Variants in ARHGEF3 observed in about 807,000 individuals in gnomAD.
ARHGEF3 encodes the protein 59.8 kDA protein.
In ARHGEF3, 28 loss-of-function variants were observed where a neutral mutation model predicts 63.2. That is an observed-to-expected ratio of 0.44 (90% CI 0.33 to 0.61). The LOEUF is 0.61. Ranked by LOEUF, ARHGEF3 falls within the 20% of genes least tolerant of loss-of-function variation. The pLI is 0.03. For missense variants in ARHGEF3, 533 were observed against 659.3 expected (o/e 0.81, Z 2.10); for synonymous variants, 266 against 254.2 (o/e 1.05, Z -0.44).
chr3:56,961,660 A>G (rs2106764987), intron 2 of ARHGEF3, among the ~76,000 whole-genome samples: 1 of 152,186 alleles, frequency 6.6e-6, no homozygotes, highest in South Asian at 2.1e-4. Context: ...ACCTACCGAG[A>G]GAAGGGCTGT....
intron 2 of ARHGEF3, among the ~76,000 whole-genome samples, chr3:56,984,619 C>T (rs1343958232): frequency 6.6e-6 from 1 of 152,094 alleles, no homozygotes; most frequent in African/African-American, 2.4e-5. Context: ...CGTGGCATAA[C>T]TTTTTAAAAA....
At chr3:56,820,186 CT>C (rs1183017956) in intron 4 of ARHGEF3, among the ~76,000 whole-genome samples, 1 of 152,128 alleles carries the variant, frequency 6.6e-6, no homozygotes, top group African/African-American at 2.4e-5. Context: ...AATTTTTGTG[CT>C]GTTATACTAC....
intron 1 of ARHGEF3, among the ~76,000 whole-genome samples, chr3:57,055,495 T>C (rs1258641119): frequency 2.0e-5 from 3 of 152,168 alleles, no homozygotes; most frequent in Non-Finnish European, 4.4e-5. Flanking sequence ...TTAAGAAACC[T>C]GTGCCTAGCC....
chr3:57,072,791 A>G (rs186159992), intron 1 of ARHGEF3, among the ~76,000 whole-genome samples: 3 of 152,168 alleles, frequency 2.0e-5, no homozygotes, highest in Admixed American at 2.0e-4. Flanking sequence ...TCACTCCTGT[A>G]ATCCCAGCAC....
chr3:57,051,678 A>C (rs764032981), intron 1 of ARHGEF3, among the ~76,000 whole-genome samples: 1 of 151,838 alleles, frequency 6.6e-6, no homozygotes, highest in African/African-American at 2.4e-5. Flanking sequence ...TTTCTAGCAC[A>C]CCAGGCCAGG....
At chr3:56,789,671 A>G (rs1273038474) in intron 1 of ARHGEF3, among the ~76,000 whole-genome samples, 1 of 152,200 alleles carries the variant, frequency 6.6e-6, no homozygotes, top group African/African-American at 2.4e-5. Context: ...TATTGCCATG[A>G]TAATTTTTTG....
chr3:57,049,270 G>T (rs1376807944), intron 1 of ARHGEF3, among the ~76,000 whole-genome samples: 1 of 152,212 alleles, frequency 6.6e-6, no homozygotes. Flanking sequence ...TCAGGAGGCT[G>T]AAGTGGGAGG....
At chr3:57,037,972 G>A (rs1246884595) in intron 1 of ARHGEF3, among the ~76,000 whole-genome samples, 1 of 152,264 alleles carries the variant, frequency 6.6e-6, no homozygotes, top group Non-Finnish European at 1.5e-5. Context: ...CTCTAGCACT[G>A]AAGGATGCCC....
intron 7 of ARHGEF3, among the ~76,000 whole-genome samples, chr3:56,738,393 A>C (rs953267870): frequency 2.0e-5 from 3 of 151,594 alleles, no homozygotes. Flanking sequence ...GCTGGTCTTG[A>C]ACTCCTCAGC....
chr3:56,810,508 CAG>C (rs2038025892), intron 4 of ARHGEF3, among the ~76,000 whole-genome samples: 1 of 152,024 alleles, frequency 6.6e-6, no homozygotes, highest in Non-Finnish European at 1.5e-5. Context: ...GCCTGGGTGA[CAG>C]AGAGAGACTG....
At chr3:56,944,054 TAATCCC>T (rs888701127) in intron 3 of ARHGEF3, among the ~76,000 whole-genome samples, 25 of 152,104 alleles carry the variant, frequency 1.6e-4, no homozygotes, top group African/African-American at 6.0e-4. Flanking sequence ...CGGGCGCCTA[TAATCCC>T]AGCTACTCGG....
intron 1 of ARHGEF3, among the ~76,000 whole-genome samples, chr3:57,039,707 CTT>C (rs1487908954): frequency 6.6e-6 from 1 of 152,188 alleles, no homozygotes; most frequent in African/African-American, 2.4e-5. Context: ...GGCTCCTCCT[CTT>C]GTTTTCATTG....
chr3:56,998,721 T>G (rs1252036740), intron 2 of ARHGEF3, among the ~76,000 whole-genome samples: 1 of 152,168 alleles, frequency 6.6e-6, no homozygotes, highest in Non-Finnish European at 1.5e-5. Flanking sequence ...AAATGATAGA[T>G]TCAAACACAG....
At chr3:56,882,753 G>A (rs768952305) in intron 3 of ARHGEF3, among the ~76,000 whole-genome samples, 7 of 151,996 alleles carry the variant, frequency 4.6e-5, no homozygotes, top group Non-Finnish European at 7.4e-5. Context: ...TCCTGACCTC[G>A]TGATCCGCCC....
At chr3:56,942,539 C>A (rs941287358) in intron 3 of ARHGEF3, among the ~76,000 whole-genome samples, 3 of 152,162 alleles carry the variant, frequency 2.0e-5, no homozygotes, top group African/African-American at 7.2e-5. Context: ...CTTCCCTATT[C>A]CCTGAGACAC....
chr3:57,033,880 A>G (rs1703839474), intron 2 of ARHGEF3, among the ~76,000 whole-genome samples: 1 of 152,048 alleles, frequency 6.6e-6, no homozygotes, highest in African/African-American at 2.4e-5. Flanking sequence ...CTTCATCTCT[A>G]CTAAAAATAC....
intron 2 of ARHGEF3, among the ~76,000 whole-genome samples, chr3:56,969,111 C>A (rs902146517): frequency 6.6e-6 from 1 of 151,970 alleles, no homozygotes; most frequent in African/African-American, 2.4e-5. Context: ...TCTGTAAATA[C>A]CAAATCATCT....
intron 2 of ARHGEF3, among the ~76,000 whole-genome samples, chr3:56,974,968 T>C (rs76848762): frequency 6.6e-6 from 1 of 152,208 alleles, no homozygotes; most frequent in South Asian, 2.1e-4. Context: ...TCCTCCTTGT[T>C]TGAAATAAGA....
intron 1 of ARHGEF3, among the ~76,000 whole-genome samples, chr3:57,042,667 TATATATATATATATATA>T (rs1704241867): frequency 5.5e-4 from 7 of 12,798 alleles, no homozygotes; most frequent in East Asian, 7.1e-3. Context: ...TATATATATA[TATATATATATATATATA>T]TATATATATA....
Sources: allele counts gnomAD v4.1 joint callset (sites outside exome capture counted in the v4.1 genomes callset), GRCh38; gene constraint gnomAD v4.1.1; transcripts MANE v1.5; gene names NCBI Gene and HGNC (gene_info 2026-07-23, HGNC 2026-07-21).